TRERF1: variants seen among roughly 807,000 people sequenced by gnomAD.
TRERF1 encodes transcriptional regulating factor 1.
In TRERF1, 27 loss-of-function variants were observed where a neutral mutation model predicts 122.9. The ratio of observed to expected loss-of-function variants is 0.22; its 90% CI spans 0.16 to 0.30. The LOEUF (loss-of-function observed/expected upper bound fraction) is 0.30, where lower values mean the gene tolerates loss of function less well. Ranked by LOEUF, TRERF1 falls within the 10% of genes least tolerant of loss-of-function variation. The probability of loss-of-function intolerance (pLI) is 1.00; values close to 1 mark genes in which losing one functional copy is unlikely to be tolerated. For missense variants in TRERF1, 1,248 were observed against 1,560.3 expected (o/e 0.80, Z 3.37); for synonymous variants, 636 against 641.7 (o/e 0.99, Z 0.13).
intron 2 of TRERF1, among the ~76,000 whole-genome samples, chr6:42,440,286 G>C (rs112547296): frequency 1.8e-3 from 274 of 152,258 alleles, no homozygotes; most frequent in Non-Finnish European, 3.2e-3. Flanking sequence ...ACAGTGACTA[G>C]GCAATTTCTA....
At chr6:42,282,109 T>C (rs1296455626) in intron 4 of TRERF1, among the ~76,000 whole-genome samples, 1 of 152,300 alleles carries the variant, frequency 6.6e-6, no homozygotes, top group African/African-American at 2.4e-5. Context: ...CAGAGACTCA[T>C]AGAAAATGAC....
intron 2 of TRERF1, among the ~76,000 whole-genome samples, chr6:42,418,259 TTTCTTTC>T (rs1380242053): frequency 1.8e-5 from 1 of 54,458 alleles, no homozygotes; most frequent in East Asian, 5.6e-4. Flanking sequence ...TTGCTCTTTC[TTTCTTTC>T]TTTTTTTTTT....
chr6:42,276,082 G>A lies in TRERF1; in HGVS notation c.-258-6234C>T, dbSNP rs1449764739. 2.0e-5 allele frequency among the ~76,000 whole-genome samples: 3 copies of A among 152,170 alleles called. No individual in the cohort carries two copies. Among genetic ancestry groups the A allele is most frequent in the African/African-American group, 7.2e-5 (3 of 41,440 alleles). On this transcript the variant is annotated intron_variant, in intron 4 of 17. Coordinates refer to ENST00000372922, the Ensembl canonical transcript of TRERF1. The surrounding 1 kb of genome is among the most constrained non-coding windows in gnomAD (Gnocchi z 4.3). Reference sequence around the variant, plus strand: ...CAAGAATAGGTGTGGGCTGGATCTGGCCTGACCCATGGTTTGCTTGACCCC... The same window carrying A: ...CAAGAATAGGTGTGGGCTGGATCTGACCTGACCCATGGTTTGCTTGACCCC...
At chr6:42,264,706 G>T (rs1778831864) in exon 7 of TRERF1, 1 of 1,613,938 alleles carries the variant, frequency 6.2e-7, no homozygotes, top group African/African-American at 1.3e-5. Flanking sequence ...CTGCTAACCT[G>T]TTTGAGGTTG....
intron 4 of TRERF1, among the ~76,000 whole-genome samples, chr6:42,271,237 C>T (rs76297363): frequency 0.011 from 1,634 of 150,356 alleles, 35 homozygotes; most frequent in African/African-American, 0.037. Context: ...ACTTGAAATT[C>T]TTTCTAGAAC....
chr6:42,335,499 G>A (rs1765977682), intron 3 of TRERF1, among the ~76,000 whole-genome samples: 1 of 152,312 alleles, frequency 6.6e-6, no homozygotes, highest in South Asian at 2.1e-4. Context: ...TTAAGAAGCT[G>A]GTTTTGAACC....
At chr6:42,243,404 G>T in intron 14 of TRERF1, 43 bp from the exon 15 acceptor site, 1 of 1,340,480 alleles carries the variant, frequency 7.5e-7, no homozygotes, top group Non-Finnish European at 1.1e-6. Context: ...GCAATGGGCA[G>T]AGAGCAAAGG....
intron 4 of TRERF1, among the ~76,000 whole-genome samples, chr6:42,290,833 G>A (rs1784210318): frequency 6.7e-6 from 1 of 149,278 alleles, no homozygotes; most frequent in Non-Finnish European, 1.5e-5. Context: ...TCAGTGCTGG[G>A]ATGTGGGGTG....
At chr6:42,336,663 C>T (rs915392302) in intron 3 of TRERF1, among the ~76,000 whole-genome samples, 1 of 152,200 alleles carries the variant, frequency 6.6e-6, no homozygotes, top group Non-Finnish European at 1.5e-5. Flanking sequence ...TCCTATCAGA[C>T]CGTTCACCTC....
intron 14 of TRERF1, among the ~76,000 whole-genome samples, chr6:42,245,629 TATTTC>T (rs1251040483): frequency 1.3e-5 from 2 of 152,272 alleles, no homozygotes; most frequent in Non-Finnish European, 2.9e-5. Flanking sequence ...TATAAAGTGC[TATTTC>T]ATCTATGTGA....
intron 3 of TRERF1, among the ~76,000 whole-genome samples, chr6:42,318,461 C>A: frequency 6.6e-6 from 1 of 152,134 alleles, no homozygotes; most frequent in African/African-American, 2.4e-5. Flanking sequence ...GGTCATATTC[C>A]ACTGTTTTCA....
At chr6:42,389,395 G>C (rs1277306040) in intron 2 of TRERF1, among the ~76,000 whole-genome samples, 1 of 152,228 alleles carries the variant, frequency 6.6e-6, no homozygotes, top group African/African-American at 2.4e-5. Context: ...TGCCAGTGAA[G>C]GCAACGTGAG....
At chr6:42,425,367 C>T (rs1244711778) in intron 2 of TRERF1, among the ~76,000 whole-genome samples, 2 of 151,166 alleles carry the variant, frequency 1.3e-5, no homozygotes, top group South Asian at 4.2e-4. Flanking sequence ...AACCAACCCC[C>T]TACATTTTAC....
intron 3 of TRERF1, among the ~76,000 whole-genome samples, chr6:42,354,502 C>A (rs1770129366): frequency 6.6e-6 from 1 of 151,784 alleles, no homozygotes; most frequent in African/African-American, 2.4e-5. Flanking sequence ...ATTTCCTATG[C>A]CTCTACATTT....
chr6:42,346,596 A>C (rs1378247467), intron 3 of TRERF1, among the ~76,000 whole-genome samples: 1 of 152,112 alleles, frequency 6.6e-6, no homozygotes, highest in East Asian at 1.9e-4. Context: ...AAGAGGAGGA[A>C]AGAGGCCAAG....
At chr6:42,400,069 T>C (rs1779170268) in intron 2 of TRERF1, among the ~76,000 whole-genome samples, 1 of 152,152 alleles carries the variant, frequency 6.6e-6, no homozygotes, top group African/African-American at 2.4e-5. Flanking sequence ...AGAATCCTGA[T>C]TGTCACTCAA....
At chr6:42,255,202 C>T (rs992223141) in intron 12 of TRERF1, among the ~76,000 whole-genome samples, 2 of 152,198 alleles carry the variant, frequency 1.3e-5, no homozygotes, top group Non-Finnish European at 2.9e-5. Flanking sequence ...AAATCCCACC[C>T]GCCCCAGAGA....
Position 42,255,038 on chromosome 6 carries a change from G to A in TRERF1, c.2581-112C>T, listed in dbSNP as rs115036675. ...TTAGCACTGTGGAGGTCAGGGGCGG[G>A]GGCACTGGAAGGAAACCCAGAGGGA... On this transcript the variant is annotated intron_variant, in intron 12 of 17. Coordinates refer to ENST00000372922, the Ensembl canonical transcript of TRERF1. 9.4e-3 allele frequency: 10,012 copies of A among 1,063,826 alleles called. 64 individuals are homozygous for A. The highest frequency in any genetic ancestry group is 0.011 in the Non-Finnish European group (7,899 of 699,842). The allele number at this position is 1,063,826 out of a possible 1,614,324, so 65.9% of individuals were successfully genotyped here.
chr6:42,409,789 T>C (rs1350612634), intron 2 of TRERF1, among the ~76,000 whole-genome samples: 1 of 152,198 alleles, frequency 6.6e-6, no homozygotes, highest in East Asian at 1.9e-4. Context: ...TTAGTTCCTG[T>C]TTTTCAGGGC....
Sources: gnomAD v4.1 joint callset for allele counts (sites outside exome capture counted in the v4.1 genomes callset) on GRCh38, gnomAD v4.1.1 for gene constraint, Gnocchi (gnomAD v3.1) non-coding constraint, MANE v1.5 for transcripts, NCBI Gene and HGNC (gene_info 2026-07-23, HGNC 2026-07-21) for gene names.